FAM174B: variants seen among roughly 807,000 people sequenced by gnomAD.
FAM174B encodes family with sequence similarity 174 member B.
Under a neutral mutation model 10.9 loss-of-function variants are expected in FAM174B, and 12 were observed. The observed-to-expected ratio is 1.10, with a 90% CI of 0.71 to 1.79. FAM174B has a LOEUF of 1.79. Ranked by LOEUF, FAM174B falls within the 40% of genes most tolerant of loss-of-function variation. FAM174B has a pLI of 0.00. For missense variants in FAM174B, 266 were observed against 233.3 expected, an observed-to-expected ratio of 1.14 and a Z score of -0.91; for synonymous variants, 132 against 115.8, an observed-to-expected ratio of 1.14 and a Z score of -0.90.
chr15:92,628,731 C>T (rs1382631474), intron 2 of FAM174B, among the ~76,000 whole-genome samples: 2 of 152,086 alleles, frequency 1.3e-5, no homozygotes, highest in Non-Finnish European at 2.9e-5. Flanking sequence ...CACTAACAAA[C>T]TGAGCTTCCA....
intron 1 of FAM174B, among the ~76,000 whole-genome samples, chr15:92,654,416 C>CA (rs1208421741): frequency 6.6e-6 from 1 of 152,210 alleles, no homozygotes; most frequent in Admixed American, 6.5e-5. Context: ...TCATTTCCTG[C>CA]AAAAACAGGA....
intron 2 of FAM174B, chr15:92,619,726 T>C (rs1396068598): frequency 3.8e-6 from 2 of 531,214 alleles, no homozygotes; most frequent in Non-Finnish European, 6.7e-6. Context: ...CTTATATCCC[T>C]CTCCTTGCCA....
In FAM174B at chr15:92,641,561, G is replaced by A. The variant is rs1009624028; in HGVS notation, c.345-11216C>T. Among the ~76,000 whole-genome samples, 5 of 152,298 alleles carry A rather than the reference G, an allele frequency of 3.3e-5. No homozygotes were observed. In the East Asian group the frequency reaches 7.7e-4, roughly 23 times the overall value. ...AAGCAAGGTAAAAAGCATAGTGTAT[G>A]TGTAAGAGATAGAAAAGATATCCAC... On this transcript the variant is annotated intron_variant, in intron 1 of 2. Transcript: ENST00000327355.
At chr15:92,654,529 A>T (rs1374932431) in intron 1 of FAM174B, among the ~76,000 whole-genome samples, 1 of 152,164 alleles carries the variant, frequency 6.6e-6, no homozygotes, top group Non-Finnish European at 1.5e-5. Flanking sequence ...TTTACCAGAC[A>T]CTTTATCCCT....
rs879144143 is a variant in FAM174B, at chr15:92,618,085, CA to C, written c.*1370del. On this transcript the variant is annotated 3_prime_UTR_variant, in exon 3 of 3. Transcript: ENST00000327355. ...GTCAGGAAAGGCTGGAGTTTTCATC[CA>C]AAAAAAAAAAGAGCAGGACAATAAA... The C allele has an allele frequency of 0.011, 1,898 of 166,168 alleles. No individual in the cohort carries two copies. The highest frequency in any genetic ancestry group is 0.033 in the Middle Eastern group (15 of 458). The allele number at this position is 166,168 out of a possible 1,614,324, so 10.3% of individuals were successfully genotyped here.
Position 92,619,454 on chromosome 15 carries a change from T to C in FAM174B, c.*2A>G, listed in dbSNP as rs771993247. The stretch of plus-strand genomic sequence containing the variant: ...GGATGCCACCAGGCTGGGAAACAGG[T>C]TTTACCTAAAAGAAAGGGAAGGACA... On this transcript the variant is annotated 3_prime_UTR_variant, in exon 3 of 3. Transcript: ENST00000327355. 5.6e-6 allele frequency: 9 copies of C among 1,613,554 alleles called. No homozygotes were observed. In the South Asian group the frequency reaches 9.9e-5, roughly 18 times the overall value.
At chr15:92,633,410 AC>A (rs2050832197) in intron 1 of FAM174B, among the ~76,000 whole-genome samples, 3 of 152,236 alleles carry the variant, frequency 2.0e-5, no homozygotes, top group African/African-American at 7.2e-5. Context: ...AGCAACCTAT[AC>A]AACCCACAGC....
rs765741504 is a variant in FAM174B at position 92,617,708 on chromosome 15, G to T, written c.*1748C>A. The T allele has an allele frequency of 4.4e-6, 3 of 681,912 alleles. No individual in the cohort carries two copies. In the East Asian group the frequency reaches 8.6e-5, roughly 20 times the overall value. 42.2% of individuals were successfully genotyped at this position (681,912 alleles called of 1,614,324 possible). ...ACAGCTGCGAGGTGGCCAGGCTCCC[G>T]TGAGTCACCACTCAGGCCTGAGTAC... is the stretch of plus-strand genomic sequence containing the variant. On this transcript the variant is annotated 3_prime_UTR_variant, in exon 3 of 3. Transcript: ENST00000327355.
chr15:92,629,051 G>C (rs972830215), intron 2 of FAM174B, among the ~76,000 whole-genome samples: 3 of 152,158 alleles, frequency 2.0e-5, no homozygotes, highest in Non-Finnish European at 4.4e-5. Flanking sequence ...GTCTTGTTGA[G>C]TCTGACAACT....
At chr15:92,644,435 T>G (rs1400900230) in intron 1 of FAM174B, among the ~76,000 whole-genome samples, 1 of 152,062 alleles carries the variant, frequency 6.6e-6, no homozygotes, top group East Asian at 1.9e-4. Flanking sequence ...GGCAAAAGCA[T>G]TTTCCTCTAG....
intron 1 of FAM174B, among the ~76,000 whole-genome samples, chr15:92,638,647 A>G (rs900991129): frequency 2.0e-5 from 3 of 152,196 alleles, no homozygotes; most frequent in Admixed American, 1.3e-4. Context: ...GCCTCTCGTC[A>G]TGAACCCGAA....
chr15:92,624,121 A>G (rs2050737923), intron 2 of FAM174B, among the ~76,000 whole-genome samples: 2 of 152,230 alleles, frequency 1.3e-5, no homozygotes, highest in African/African-American at 4.8e-5. Context: ...TTTCCAAAGA[A>G]ACAAAAATTC....
Position 92,655,666 on chromosome 15 carries a change from G to C in FAM174B, c.-7C>G, listed in dbSNP as rs565939824. 2.9e-5 allele frequency: 36 copies of C among 1,259,908 alleles called. No homozygotes were observed. In the African/African-American group the frequency reaches 5.4e-4, roughly 19 times the overall value. The allele number at this position is 1,259,908 out of a possible 1,614,324, so 78.0% of individuals were successfully genotyped here. On this transcript the variant is annotated 5_prime_UTR_variant, in exon 1 of 3. Coordinates refer to ENST00000327355, the MANE Select transcript of FAM174B (RefSeq NM_207446.3). ...GCAGCGGCACGGCGCGCATAGTGCG[G>C]TGGGTCGGCACAGGATCGGGCAGGG...
chr15:92,650,755 A>C (rs2050961087), intron 1 of FAM174B, among the ~76,000 whole-genome samples: 2 of 152,300 alleles, frequency 1.3e-5, no homozygotes, highest in Non-Finnish European at 1.5e-5. Flanking sequence ...AATACCAAAA[A>C]ATTAGGAGCA....
intron 1 of FAM174B, among the ~76,000 whole-genome samples, chr15:92,651,725 C>T (rs2050967742): frequency 2.0e-5 from 3 of 152,242 alleles, no homozygotes; most frequent in Non-Finnish European, 4.4e-5. Context: ...CAGAGCTTCT[C>T]TGAATATCAT....
At chr15:92,653,587 A>C (rs6496969) in intron 1 of FAM174B, among the ~76,000 whole-genome samples, 118,910 of 152,240 alleles carry the variant, frequency 0.78, 46,934 homozygotes, top group East Asian at 0.97. Context: ...TCCCAACCTC[A>C]AGGGCCCTCT....
intron 1 of FAM174B, chr15:92,645,472 C>CT (rs1324255440): frequency 6.6e-6 from 1 of 152,394 alleles, no homozygotes; most frequent in Non-Finnish European, 1.5e-5. Context: ...TCCTGTTTCT[C>CT]TTTCCCTCTC....
intron 1 of FAM174B, among the ~76,000 whole-genome samples, chr15:92,637,537 T>G (rs1239384084): frequency 6.6e-6 from 1 of 152,206 alleles, no homozygotes; most frequent in South Asian, 2.1e-4. Flanking sequence ...TCACAACACC[T>G]TCCTGGGGCT....
At chr15:92,637,774 A>G (rs991504409) in intron 1 of FAM174B, among the ~76,000 whole-genome samples, 6 of 152,114 alleles carry the variant, frequency 3.9e-5, no homozygotes, top group Non-Finnish European at 5.9e-5. Flanking sequence ...GCAAAGGCAG[A>G]GACTACACGG....
Sources: allele counts gnomAD v4.1 joint callset (sites outside exome capture counted in the v4.1 genomes callset), GRCh38; gene constraint gnomAD v4.1.1; transcripts MANE v1.5; gene names NCBI Gene and HGNC (gene_info 2026-07-23, HGNC 2026-07-21).